Variants in NET1 observed in about 807,000 individuals in gnomAD.
NET1 encodes neuroepithelial cell-transforming gene 1 protein.
A neutral mutation model predicts 61.1 loss-of-function variants in NET1; 42 were observed. That is an observed-to-expected ratio of 0.69 (90% confidence interval 0.54 to 0.89). NET1 has a LOEUF of 0.89. NET1 is among the 40% of genes least tolerant of loss of function. The probability of loss-of-function intolerance (pLI) is 0.00; values close to 1 mark genes in which losing one functional copy is unlikely to be tolerated. For missense variants in NET1, 654 were observed against 747.3 expected (o/e 0.88, Z 1.46); for synonymous variants, 254 against 281.8 (o/e 0.90, Z 0.99).
Position 5,452,805 on chromosome 10 carries a change from A to G in NET1, c.532-53A>G. On this transcript the variant is annotated intron_variant, in intron 5 of 11. Coordinates refer to ENST00000355029, the MANE Select transcript of NET1 (RefSeq NM_001047160.3). This position sits in a 1 kb window ranked among gnomAD's most constrained non-coding sequence, Gnocchi z 4.0. The stretch of plus-strand genomic sequence containing the variant: ...CAAATAATGTAATTATCAGTTGTAT[A>G]TAATTTTCCTTTCTCGAAGGAATGA... 2 of 1,490,510 alleles carry G rather than the reference A, an allele frequency of 1.3e-6. No individual in the cohort carries two copies. Among genetic ancestry groups the G allele is most frequent in the Non-Finnish European group, 1.9e-6 (2 of 1,080,840 alleles). The allele number at this position is 1,490,510 out of a possible 1,614,324, so 92.3% of individuals were successfully genotyped here.
chr10:5,423,307 G>A lies in NET1; in HGVS notation c.129-3348G>A, dbSNP rs558147570. 2.3e-4 allele frequency among the ~76,000 whole-genome samples: 35 copies of A among 152,130 alleles called. No homozygotes were observed. Among genetic ancestry groups the A allele is most frequent in the African/African-American group, 8.4e-4 (35 of 41,516 alleles). On this transcript the variant is annotated intron_variant, in intron 1 of 11. Transcript: ENST00000355029. This position sits in a 1 kb window ranked among gnomAD's most constrained non-coding sequence, Gnocchi z 4.4. Reference sequence around the variant, plus strand: ...TCTTATCTGGCATGATGGAGGAGGTGGTGACACAAATCAGAAACTCTGAAA... The same window carrying A: ...TCTTATCTGGCATGATGGAGGAGGTAGTGACACAAATCAGAAACTCTGAAA...
rs996901459 is a variant in NET1, at chr10:5,412,638, C to T, written c.-55C>T. On this transcript the variant is annotated 5_prime_UTR_variant, in exon 1 of 12. Transcript: ENST00000355029. The surrounding 1 kb of genome is among the most constrained non-coding windows in gnomAD (Gnocchi z 6.5). ...GGCAGAGGCTGGCGGGCATCGTGCC[C>T]GTCCCTGCCGGTCTCCCGGGCACCC... 2.7e-4 allele frequency: 386 copies of T among 1,435,810 alleles called. No homozygotes were observed. The highest frequency in any genetic ancestry group is 3.3e-4 in the Non-Finnish European group (368 of 1,106,988). 88.9% of individuals were successfully genotyped at this position (1,435,810 alleles called of 1,614,324 possible). A position where few individuals can be genotyped will look rare whatever the true frequency, so the allele number is the denominator to read the frequency against.
At position 5,452,769 on chromosome 10, in the gene NET1, G is replaced by T; in HGVS notation, c.532-89G>T. On this transcript the variant is annotated intron_variant, in intron 5 of 11. Coordinates refer to ENST00000355029, the MANE Select transcript of NET1 (RefSeq NM_001047160.3). This position sits in a 1 kb window ranked among gnomAD's most constrained non-coding sequence, Gnocchi z 4.0. ...AGACTGAGTTACTTTTTAAAATGCC[G>T]TTCAAAACATCAAATAATGTAATTA... 1 of 1,228,206 alleles carries T rather than the reference G, an allele frequency of 8.1e-7. No homozygotes were observed. The highest frequency in any genetic ancestry group is 1.2e-6 in the Non-Finnish European group (1 of 857,406). The allele number at this position is 1,228,206 out of a possible 1,614,324, so 76.1% of individuals were successfully genotyped here.
At chr10:5,430,043 A>G (rs1392554494) in intron 3 of NET1, among the ~76,000 whole-genome samples, 2 of 152,122 alleles carry the variant, frequency 1.3e-5, no homozygotes, top group Admixed American at 1.3e-4. Flanking sequence ...CAGCAAGTCA[A>G]TTTTTTTCTT....
Position 5,412,960 on chromosome 10 carries a change from G to C in NET1, c.128+140G>C. 1 of 643,112 alleles carries C rather than the reference G, an allele frequency of 1.6e-6. No individual in the cohort carries two copies. The highest frequency in any genetic ancestry group is 2.1e-6 in the Non-Finnish European group (1 of 485,978). 39.8% of individuals were successfully genotyped at this position (643,112 alleles called of 1,614,324 possible). A position where few individuals can be genotyped will look rare whatever the true frequency, so the allele number is the denominator to read the frequency against. On this transcript the variant is annotated intron_variant, in intron 1 of 11. Transcript: ENST00000355029. The surrounding 1 kb of genome is among the most constrained non-coding windows in gnomAD (Gnocchi z 6.5). ...AGTTGGATGTGGGGGGCGGCGAGTG[G>C]GGGTGTTGGTGAGGGCCAGGGGGAG...
chr10:5,446,903 C>T lies in NET1; in HGVS notation c.256-4927C>T, dbSNP rs1377810680. 1 of 1,509,348 alleles carries T rather than the reference C, an allele frequency of 6.6e-7. No individual in the cohort carries two copies. The allele number at this position is 1,509,348 out of a possible 1,614,324, so 93.5% of individuals were successfully genotyped here. A position where few individuals can be genotyped will look rare whatever the true frequency, so the allele number is the denominator to read the frequency against. On this transcript the variant is annotated intron_variant, in intron 3 of 11. Transcript: ENST00000355029. The surrounding 1 kb of genome is among the most constrained non-coding windows in gnomAD (Gnocchi z 5.0). Reference sequence around the variant, plus strand: ...GTTAGGCAAAAGGAATGTTTTCTAACTCCACGGAGCTTTTAAAATTTTTAA... The same window carrying T: ...GTTAGGCAAAAGGAATGTTTTCTAATTCCACGGAGCTTTTAAAATTTTTAA...
chr10:5,430,012 T>C (rs547442128), intron 3 of NET1, among the ~76,000 whole-genome samples: 51 of 147,334 alleles, frequency 3.5e-4, no homozygotes, highest in Non-Finnish European at 6.7e-4. Flanking sequence ...TATAATCTGC[T>C]CATCAACATT....
At position 5,453,711 on chromosome 10, in the gene NET1, G is replaced by T; in HGVS notation, c.768+151G>T. 5.3e-6 allele frequency: 3 copies of T among 561,818 alleles called. No individual in the cohort carries two copies. Among genetic ancestry groups the T allele is most frequent in the Non-Finnish European group, 9.5e-6 (3 of 316,834 alleles). The allele number at this position is 561,818 out of a possible 1,614,324, so 34.8% of individuals were successfully genotyped here. On this transcript the variant is annotated intron_variant, in intron 8 of 11. Coordinates refer to ENST00000355029, the MANE Select transcript of NET1 (RefSeq NM_001047160.3). The surrounding 1 kb of genome is among the most constrained non-coding windows in gnomAD (Gnocchi z 4.9). Reference sequence around the variant, plus strand: ...GAACAAATTTACAGTGACATAAGAAGTTACAGTCTGTTTAAAAAAAAAAAA... The same window carrying T: ...GAACAAATTTACAGTGACATAAGAATTTACAGTCTGTTTAAAAAAAAAAAA...
Position 5,435,538 on chromosome 10 carries a change from C to CAGATAGAT in NET1, c.255+6312_255+6313insTAGATAGA, listed in dbSNP as rs1244946537. On this transcript the variant is annotated intron_variant, in intron 3 of 11. Coordinates refer to ENST00000355029, the MANE Select transcript of NET1 (RefSeq NM_001047160.3). The surrounding 1 kb of genome is among the most constrained non-coding windows in gnomAD (Gnocchi z 5.0). ...ATAGATAGATAGATAGATAGACAGACAGACAGATAGATAGATAGATAGATA... is the reference window on the plus strand; with the variant it reads ...ATAGATAGATAGATAGATAGACAGACAGATAGATAGACAGATAGATAGATAGATAGATA... Among the ~76,000 whole-genome samples, 117 of 10,782 alleles carry CAGATAGAT rather than the reference C, an allele frequency of 0.011. 2 individuals carry two copies. The highest frequency in any genetic ancestry group is 0.015 in the African/African-American group (112 of 7,446). 7.1% of individuals were successfully genotyped at this position (10,782 alleles called of 152,430 possible).
At chr10:5,432,981 A>T (rs1832373026) in intron 3 of NET1, among the ~76,000 whole-genome samples, 1 of 152,166 alleles carries the variant, frequency 6.6e-6, no homozygotes, top group African/African-American at 2.4e-5. Flanking sequence ...GCATTTAGTT[A>T]ACTAGCACTT....
chr10:5,436,220 G>T (rs1361679072), intron 3 of NET1, among the ~76,000 whole-genome samples: 2 of 45,620 alleles, frequency 4.4e-5, no homozygotes, highest in Non-Finnish European at 8.1e-5. Flanking sequence ...GTGTGTGTGT[G>T]TGTGCATATA....
rs766977132 is a variant in NET1 at position 5,452,818 on chromosome 10, C to T, written c.532-40C>T. The T allele has an allele frequency of 2.3e-5, 36 of 1,578,468 alleles. 1 individual carries two copies. In the South Asian group the frequency reaches 3.9e-4, roughly 17 times the overall value. On this transcript the variant is annotated intron_variant, in intron 5 of 11. Transcript: ENST00000355029. The surrounding 1 kb of genome is among the most constrained non-coding windows in gnomAD (Gnocchi z 4.0). ...TATCAGTTGTATATAATTTTCCTTT[C>T]TCGAAGGAATGACCTCTGATGTTTG... is the stretch of plus-strand genomic sequence containing the variant.
At position 5,437,875 on chromosome 10, in the gene NET1, A is replaced by G. The variant is rs1832463552; in HGVS notation, c.255+8646A>G. On this transcript the variant is annotated intron_variant, in intron 3 of 11. Transcript: ENST00000355029. The surrounding 1 kb of genome is among the most constrained non-coding windows in gnomAD (Gnocchi z 4.3). ...CAGGCTGCAAAACAAGTCTTAATAC[A>G]TTTATAAAGACTGAAATCATACAGA... 6.6e-6 allele frequency among the ~76,000 whole-genome samples: 1 copy of G among 152,352 alleles called. No individual in the cohort carries two copies. Among genetic ancestry groups the G allele is most frequent in the Admixed American group, 6.5e-5 (1 of 15,300 alleles).
intron 1 of NET1, among the ~76,000 whole-genome samples, chr10:5,425,053 G>T (rs4424576): frequency 0.99 from 150,959 of 152,366 alleles, 74,800 homozygotes; most frequent in East Asian, 1. Context: ...GCTTTAGCCC[G>T]TCCTTATTTC....
rs1832676456 is a variant in NET1 at position 5,449,859 on chromosome 10, A to G, written c.256-1971A>G. On this transcript the variant is annotated intron_variant, in intron 3 of 11. Coordinates refer to ENST00000355029, the MANE Select transcript of NET1 (RefSeq NM_001047160.3). The surrounding 1 kb of genome is among the most constrained non-coding windows in gnomAD (Gnocchi z 4.4). ...AAATATTATATTTTCTGGGAAGTCA[A>G]ATTTGTTATGCATGAAACAAGGAAG... 6.6e-6 allele frequency among the ~76,000 whole-genome samples: 1 copy of G among 152,242 alleles called. No homozygotes were observed. The highest frequency in any genetic ancestry group is 1.5e-5 in the Non-Finnish European group (1 of 68,038).
chr10:5,436,214 G>GCA (rs1387050448), intron 3 of NET1, among the ~76,000 whole-genome samples: 1,627 of 40,348 alleles, frequency 0.04, 44 homozygotes, highest in Non-Finnish European at 0.056. Flanking sequence ...GTGTGTGTGT[G>GCA]TGTGTGTGTG....
intron 3 of NET1, among the ~76,000 whole-genome samples, chr10:5,430,397 C>T (rs914957039): frequency 7.3e-6 from 1 of 137,402 alleles, no homozygotes; most frequent in South Asian, 2.3e-4. Context: ...TTTTTTGAGG[C>T]GGAGTCTCGC....
rs1832201046 is a variant in NET1 at position 5,422,945 on chromosome 10, G to T, written c.129-3710G>T. Among the ~76,000 whole-genome samples the T allele has an allele frequency of 6.6e-6, 1 of 152,160 alleles. No individual in the cohort carries two copies. The highest frequency in any genetic ancestry group is 2.1e-4 in the South Asian group (1 of 4,832). ...TTGGCACACCCCAAATGTAAAAAGT[G>T]TTAACTGCAGAGGATAAATTATACC... On this transcript the variant is annotated intron_variant, in intron 1 of 11. Transcript: ENST00000355029. This position sits in a 1 kb window ranked among gnomAD's most constrained non-coding sequence, Gnocchi z 4.1.
chr10:5,450,745 G>A (rs1832690776), intron 3 of NET1, among the ~76,000 whole-genome samples: 1 of 152,156 alleles, frequency 6.6e-6, no homozygotes, highest in African/African-American at 2.4e-5. Context: ...AGACCTGCTA[G>A]TTTTATGATC....
Sources: gnomAD v4.1 joint callset for allele counts (sites outside exome capture counted in the v4.1 genomes callset) on GRCh38, gnomAD v4.1.1 for gene constraint, Gnocchi (gnomAD v3.1) non-coding constraint, MANE v1.5 for transcripts, NCBI Gene and HGNC (gene_info 2026-07-23, HGNC 2026-07-21) for gene names.